Variants in UROS observed in about 807,000 individuals in gnomAD.
UROS encodes uroporphyrinogen III synthase, also known as uroporphyrinogen-III synthase.
Under a neutral mutation model 33.0 loss-of-function variants are expected in UROS, and 18 were observed. The ratio of observed to expected loss-of-function variants is 0.55; its 90% confidence interval spans 0.38 to 0.81. The LOEUF is 0.81. Ranked by LOEUF, UROS falls within the 30% of genes least tolerant of loss-of-function variation. UROS has a pLI of 0.00. For synonymous variants in UROS, 114 were observed against 121.1 expected (o/e 0.94, Z 0.38); for missense variants, 293 against 314.9 (o/e 0.93, Z 0.53).
At chr10:125,822,862 G>A (rs1242109434) in intron 1 of UROS, among the ~76,000 whole-genome samples, 167 bp downstream of exon 1, 1 of 152,202 alleles carries the variant, frequency 6.6e-6, no homozygotes, top group Non-Finnish European at 1.5e-5. Context: ...GGCGCCTTCC[G>A]TCACCGGCGC....
intron 1 of UROS, among the ~76,000 whole-genome samples, chr10:125,817,640 A>AAC (rs10647383): frequency 0.77 from 117,348 of 151,516 alleles, 45,741 homozygotes; most frequent in South Asian, 0.8. Context: ...AGATCTATTG[A>AAC]ACTTACTGCC....
intron 9 of UROS, 117 bp downstream of exon 9, chr10:125,794,763 A>G: frequency 1.0e-6 from 1 of 976,748 alleles, no homozygotes; most frequent in Non-Finnish European, 1.5e-6. Flanking sequence ...TTCCAATTCT[A>G]AGGCACCTGC....
chr10:125,809,262 T>C (rs1852593228), intron 5 of UROS, among the ~76,000 whole-genome samples: 1 of 152,214 alleles, frequency 6.6e-6, no homozygotes, highest in South Asian at 2.1e-4. Flanking sequence ...GCCTACTAAA[T>C]GGCGCCCAGG....
chr10:125,788,558 G>C, downstream of UROS: 1 of 1,281,540 alleles, frequency 7.8e-7, no homozygotes, highest in African/African-American at 1.5e-5. Context: ...CACTTAAAAT[G>C]ACACACAGCA....
At position 125,807,281 on chromosome 10, in the gene UROS, T is replaced by G. The variant is rs942628420; in HGVS notation, c.394+132A>C. On this transcript the variant is annotated intron_variant, in intron 6 of 9. Transcript: ENST00000368797. ...ATACAAATAGGCTATGCTCCCAGAG[T>G]GGGTTATACGATGCTCACCAATCAA... is the stretch of plus-strand genomic sequence containing the variant. 5.8e-5 allele frequency: 45 copies of G among 782,088 alleles called. No individual in the cohort carries two copies. In the African/African-American group the frequency reaches 6.7e-4, roughly 12 times the overall value. 48.4% of individuals were successfully genotyped at this position (782,088 alleles called of 1,614,324 possible). A position where few individuals can be genotyped will look rare whatever the true frequency, so the allele number is the denominator to read the frequency against.
chr10:125,807,294 G>A, intron 6 of UROS, 119 bp downstream of exon 6: 1 of 878,888 alleles, frequency 1.1e-6, no homozygotes, highest in Non-Finnish European at 1.8e-6. Context: ...GTTATACGAT[G>A]CTCACCAATC....
chr10:125,819,265 A>G (rs537413020), intron 1 of UROS, among the ~76,000 whole-genome samples: 1 of 152,296 alleles, frequency 6.6e-6, no homozygotes, highest in South Asian at 2.1e-4. Flanking sequence ...TACAGGTGTG[A>G]GCCACTGCAC....
chr10:125,811,150 G>A (rs1306506747), intron 5 of UROS, among the ~76,000 whole-genome samples: 2 of 152,204 alleles, frequency 1.3e-5, no homozygotes, highest in Non-Finnish European at 2.9e-5. Flanking sequence ...ACAGCAAAAT[G>A]CATAGTGATG....
intron 9 of UROS, 69 bp downstream of exon 9, chr10:125,794,811 G>A (rs1851215555): frequency 9.7e-6 from 14 of 1,444,718 alleles, no homozygotes; most frequent in Non-Finnish European, 1.3e-5. Context: ...GAAGCCCTAG[G>A]ATAATTCATA....
chr10:125,802,194 TACCAGGA>T, intron 6 of UROS: 1 of 985,492 alleles, frequency 1.0e-6, no homozygotes, highest in Non-Finnish European at 1.2e-6. Context: ...CTGCATCCTG[TACCAGGA>T]ACCCCTGGAG....
intron 7 of UROS, 134 bp from the exon 8 acceptor site, chr10:125,796,322 A>G: frequency 1.1e-6 from 1 of 894,898 alleles, no homozygotes. Context: ...GGAAGCTGAG[A>G]GGCCAGACTC....
chr10:125,791,194 A>G (rs767058850), intron 9 of UROS, among the ~76,000 whole-genome samples: 1 of 152,216 alleles, frequency 6.6e-6, no homozygotes, highest in African/African-American at 2.4e-5. Flanking sequence ...TTGAATAGAT[A>G]TCTCTTTAAA....
At chr10:125,807,564 C>A in intron 5 of UROS, 77 bp from the exon 6 acceptor site, 1 of 1,117,066 alleles carries the variant, frequency 9.0e-7, no homozygotes, top group Admixed American at 1.7e-5. Flanking sequence ...TTTTAACGTG[C>A]AAATACACAG....
intron 2 of UROS, 62 bp from the exon 3 acceptor site, chr10:125,816,322 A>G: frequency 6.2e-7 from 1 of 1,601,396 alleles, no homozygotes. Flanking sequence ...GGGAACATTA[A>G]CAATTTATTC....
intron 7 of UROS, chr10:125,796,928 C>A (rs1035312748): frequency 1.2e-6 from 1 of 857,798 alleles, no homozygotes; most frequent in African/African-American, 1.8e-5. Context: ...CAACCTATTG[C>A]CATTTCATAT....
intron 1 of UROS, among the ~76,000 whole-genome samples, chr10:125,822,556 C>G (rs1854055635): frequency 6.6e-6 from 1 of 152,146 alleles, no homozygotes; most frequent in Non-Finnish European, 1.5e-5. Flanking sequence ...CTCCTGACCT[C>G]AAGTGATCCA....
chr10:125,814,965 T>G, intron 4 of UROS, 69 bp downstream of exon 4: 3 of 1,547,986 alleles, frequency 1.9e-6, no homozygotes, highest in East Asian at 2.3e-5. Flanking sequence ...CTTCTGGAAT[T>G]TAGTCTCCCA....
At chr10:125,803,190 C>A (rs536394592) in intron 6 of UROS, among the ~76,000 whole-genome samples, 1 of 152,292 alleles carries the variant, frequency 6.6e-6, no homozygotes, top group African/African-American at 2.4e-5. Context: ...CCTCTCTGAG[C>A]TCAGTTTCTT....
chr10:125,797,877 G>A (rs968902283), intron 7 of UROS, among the ~76,000 whole-genome samples, 188 bp downstream of exon 7: 4 of 152,248 alleles, frequency 2.6e-5, no homozygotes, highest in African/African-American at 9.6e-5. Context: ...TGGATCCAAA[G>A]AAAGGAAAGT....
Sources: gnomAD v4.1 joint callset for allele counts (sites outside exome capture counted in the v4.1 genomes callset) on GRCh38, gnomAD v4.1.1 for gene constraint, MANE v1.5 for transcripts, NCBI Gene and HGNC (gene_info 2026-07-23, HGNC 2026-07-21) for gene names.